MYO1C: variants seen among roughly 807,000 people sequenced by gnomAD.
MYO1C encodes the protein unconventional myosin-Ic.
Under a neutral mutation model 150.8 loss-of-function variants are expected in MYO1C, and 104 were observed. The observed-to-expected ratio is 0.69, with a 90% CI of 0.59 to 0.81. The LOEUF is 0.81. Among genes scored for constraint, MYO1C ranks in the 30% least tolerant of loss-of-function variants. MYO1C has a pLI of 0.00. For missense variants in MYO1C, 1,504 were observed against 1,435.0 expected (o/e 1.05, Z -0.78); for synonymous variants, 663 against 579.9 (o/e 1.14, Z -2.06).
rs776443603 is a variant in MYO1C at position 1,468,484 on chromosome 17, C to T, written c.2623G>A (p.Ala875Thr). The T allele has an allele frequency of 1.2e-6, 2 of 1,613,632 alleles. No individual in the cohort carries two copies. The highest frequency in any genetic ancestry group is 2.2e-5 in the East Asian group (1 of 44,868). The part of the protein sequence containing the change: ...PEWKQQLQQK[A>T]VASEIFKGKK... ...CCCTTGAAGATCTCACTAGCCACGG[C>T]CTTCTGCTGCAGCTGAGGAGACAAG... is the stretch of plus-strand genomic sequence containing the variant. The change falls in exon 26 of 32, where the codon GCC (alanine) becomes ACC (threonine). Residue 875 changes from alanine to threonine, a missense_variant. By Grantham distance (58) the Ala-to-Thr change is moderately conservative (BLOSUM62 0). Transcript: ENST00000648651.
chr17:1,482,924 G>T lies in MYO1C; in HGVS notation c.483C>A (p.Cys161Ter). ...KRLLQFYAET[C>*]PAPERGGAVR... is the part of the protein sequence containing the mutation. ...CGGCACCTCCGCGCTCGGGGGCTGGGCAGGTCTCTGCATAGAACTGCAGCA... is the reference window on the plus strand; with the variant it reads ...CGGCACCTCCGCGCTCGGGGGCTGGTCAGGTCTCTGCATAGAACTGCAGCA... The change falls in exon 4 of 32, where the codon TGC (cysteine) becomes TGA (stop). Residue 161 changes from cysteine to a stop codon, truncating the protein, a stop_gained. Coordinates refer to ENST00000648651, the MANE Select transcript of MYO1C (RefSeq NM_001080779.2). LOFTEE classifies it high-confidence loss of function. The T allele has an allele frequency of 6.4e-7, 1 of 1,570,502 alleles. No homozygotes were observed. The highest frequency in any genetic ancestry group is 8.6e-7 in the Non-Finnish European group (1 of 1,158,532).
chr17:1,470,670 G>C lies in MYO1C; in HGVS notation c.2232C>G (p.Ala744=). ...TCTGCCGCCAGTGAAAGCCCCTCCA[G>C]GCAGCTTGGATCTTTGTGGCTGCGG... is the stretch of plus-strand genomic sequence containing the variant. ...RQSLATKIQA[A]WRGFHWRQKF... is the part of the protein sequence containing the mutation. Residue 744 remains alanine (A), a synonymous_variant, in exon 22 of 32, where the codon GCC becomes GCG. Coordinates refer to ENST00000648651, the MANE Select transcript of MYO1C (RefSeq NM_001080779.2). The C allele has an allele frequency of 6.2e-7, 1 of 1,608,170 alleles. No individual in the cohort carries two copies. Among genetic ancestry groups the C allele is most frequent in the Non-Finnish European group, 8.5e-7 (1 of 1,179,690 alleles).
chr17:1,472,080 C>A (rs533458718), intron 18 of MYO1C, 43 bp downstream of exon 18: 2 of 1,613,052 alleles, frequency 1.2e-6, no homozygotes, highest in Admixed American at 1.7e-5. Context: ...CTGTCTCCTG[C>A]AGGGGAGGCC....
chr17:1,485,021 C>T, intron 1 of MYO1C: 1 of 1,006,318 alleles, frequency 9.9e-7, no homozygotes, highest in Non-Finnish European at 1.4e-6. Flanking sequence ...GGAGGCCCTC[C>T]CTCGCATGGC....
Position 1,480,882 on chromosome 17 carries a change from C to T in MYO1C, c.631G>A (p.Ala211Thr). ...CTGAGGATGTGGCCACCCACGGGGG[C>T]ACCCTGTGGGCAGGGCAGGGCATGA... Reference protein sequence around the residue: ...YMDVQFDFKGAPVGGHILSYL... With the variant: ...YMDVQFDFKGTPVGGHILSYL... Residue 211 changes from alanine to threonine, a missense_variant, in exon 6 of 32, where the codon GCC (alanine) becomes ACC (threonine). Physicochemically the swap from Ala to Thr is moderately conservative, Grantham distance 58 (BLOSUM62 0). Transcript: ENST00000648651. 6.2e-7 allele frequency: 1 copy of T among 1,613,874 alleles called. No homozygotes were observed. Among genetic ancestry groups the T allele is most frequent in the Non-Finnish European group, 8.5e-7 (1 of 1,179,992 alleles).
intron 24 of MYO1C, 152 bp downstream of exon 24, chr17:1,470,023 T>A: frequency 2.4e-6 from 2 of 832,680 alleles, no homozygotes; most frequent in Non-Finnish European, 3.6e-6. Context: ...TGAGACTCCA[T>A]CTCAAAAAAA....
intron 14 of MYO1C, among the ~76,000 whole-genome samples, chr17:1,477,070 C>A (rs1004713622): frequency 6.6e-6 from 1 of 152,010 alleles, no homozygotes; most frequent in African/African-American, 2.4e-5. Context: ...AACTCCTAAC[C>A]TAAGGTGATC....
At chr17:1,473,010 G>A (rs1180068849) in intron 17 of MYO1C, among the ~76,000 whole-genome samples, 1 of 152,178 alleles carries the variant, frequency 6.6e-6, no homozygotes, top group Non-Finnish European at 1.5e-5. Context: ...AGACTAGCCT[G>A]GCCAACATGG....
In MYO1C at chr17:1,471,130, C is replaced by T. The variant is rs762016569; in HGVS notation, c.2153G>A (p.Arg718His). The T allele has an allele frequency of 2.0e-5, 33 of 1,613,996 alleles. No homozygotes were observed. The highest frequency in any genetic ancestry group is 4.4e-5 in the South Asian group (4 of 91,092). Residue 718 changes from arginine (R) to histidine (H), a missense_variant, in exon 21 of 32, where the codon CGC becomes CAC. Coordinates refer to ENST00000648651, the MANE Select transcript of MYO1C (RefSeq NM_001080779.2). Reference sequence around the variant, plus strand: ...TGTGGCAAACAGGGTCTTGGGGAAGCGGATGAAGATCTTGGTCCTGGGAGA... The same window carrying T: ...TGTGGCAAACAGGGTCTTGGGGAAGTGGATGAAGATCTTGGTCCTGGGAGA... ...YKMGRTKIFI[R>H]FPKTLFATED...
In MYO1C at chr17:1,483,006, T is replaced by C; in HGVS notation, c.401A>G (p.Gln134Arg). 1.2e-6 allele frequency: 2 copies of C among 1,612,320 alleles called. No homozygotes were observed. Among genetic ancestry groups the C allele is most frequent in the South Asian group, 2.2e-5 (2 of 90,996 alleles). The change falls in exon 4 of 32, where the codon CAG becomes CGG. Residue 134 changes from glutamine to arginine, a missense_variant. Physicochemically the swap from Gln to Arg is conservative, Grantham distance 43. Coordinates refer to ENST00000648651, the MANE Select transcript of MYO1C (RefSeq NM_001080779.2). The stretch of plus-strand genomic sequence containing the variant: ...GCTCTCCCCAGAGATCATCACAGCC[T>C]GGTCCCGACGCTCCGTGCGCAGTGC... Reference protein sequence around the residue: ...YRALRTERRDQAVMISGESGA... With the variant: ...YRALRTERRDRAVMISGESGA...
chr17:1,483,798 C>T, intron 2 of MYO1C, 73 bp from the exon 3 acceptor site: 2 of 1,221,144 alleles, frequency 1.6e-6, no homozygotes, highest in South Asian at 1.3e-5. Flanking sequence ...AATCCCAGCA[C>T]TTTGGGAGGC....
intron 21 of MYO1C, 143 bp downstream of exon 21, chr17:1,470,919 TTGGACTCTC>T: frequency 1.0e-6 from 1 of 993,658 alleles, no homozygotes; most frequent in Non-Finnish European, 1.5e-6. Flanking sequence ...AAGTCGGCCA[TTGGACTCTC>T]TGGAGAAGGA....
chr17:1,487,329 C>T (rs1414934096), intron 1 of MYO1C, among the ~76,000 whole-genome samples: 4 of 152,268 alleles, frequency 2.6e-5, no homozygotes, highest in African/African-American at 9.6e-5. Flanking sequence ...ACGGCGTACA[C>T]AGACTCGCCC....
rs1338019860 is a variant in MYO1C at position 1,474,695 on chromosome 17, G to A, written c.1717-5C>T. 7 of 1,613,960 alleles carry A rather than the reference G, an allele frequency of 4.3e-6. No individual in the cohort carries two copies. Among genetic ancestry groups the A allele is most frequent in the Non-Finnish European group, 5.9e-6 (7 of 1,179,940 alleles). On this transcript the variant is annotated splice_polypyrimidine_tract_variant and splice_region_variant and intron_variant, in intron 16 of 31. Transcript: ENST00000648651. ...ATTCTTTGAGCTACACATGGTCTGT[G>A]TGGGCAGAGCCGGGGTCAGGGTGGG...
chr17:1,484,944 A>G, intron 1 of MYO1C: 1 of 457,886 alleles, frequency 2.2e-6, no homozygotes, highest in South Asian at 1.6e-5. Flanking sequence ...CCCAGACTAC[A>G]CCAGAGGGGT....
chr17:1,484,633 G>A (rs1215558193), intron 1 of MYO1C: 2 of 509,136 alleles, frequency 3.9e-6, no homozygotes, highest in African/African-American at 3.9e-5. Flanking sequence ...GAACCCGGGA[G>A]GTGCTGGTTT....
Position 1,484,445 on chromosome 17 carries a change from GGGGCCTGGGTGCTGA to G in MYO1C, c.76-157_76-143del, listed in dbSNP as rs146158982. 259,972 of 971,656 alleles carry G rather than the reference GGGGCCTGGGTGCTGA, an allele frequency of 0.27. 39,375 individuals are homozygous for G. Among genetic ancestry groups the G allele is most frequent in the South Asian group, 0.34 (22,854 of 66,606 alleles). 60.2% of individuals were successfully genotyped at this position (971,656 alleles called of 1,614,324 possible). Reference sequence around the variant, plus strand: ...CGGGACATGAGCATGACGGGTGCGGGGGGCCTGGGTGCTGAGGGCCTGGGTGTGGTGGGCCGGGTG... The same window carrying G: ...CGGGACATGAGCATGACGGGTGCGGGGGGCCTGGGTGTGGTGGGCCGGGTG... On this transcript the variant is annotated intron_variant, in intron 1 of 31. Coordinates refer to ENST00000648651, the MANE Select transcript of MYO1C (RefSeq NM_001080779.2).
chr17:1,464,859 C>G lies in MYO1C; in HGVS notation c.*867G>C, dbSNP rs1447320088. 1 of 150,450 alleles carries G rather than the reference C, an allele frequency of 6.6e-6. No individual in the cohort carries two copies. Among genetic ancestry groups the G allele is most frequent in the Non-Finnish European group, 1.5e-5 (1 of 68,222 alleles). The allele number at this position is 150,450 out of a possible 1,614,324, so 9.3% of individuals were successfully genotyped here. A position where few individuals can be genotyped will look rare whatever the true frequency, so the allele number is the denominator to read the frequency against. ...ACGGAGTCTCGCTCTGTTGCCCAGG[C>G]TGGAGTGCAGTGGTGTACTCTTGGC... On this transcript the variant is annotated 3_prime_UTR_variant, in exon 32 of 32. Coordinates refer to ENST00000648651, the MANE Select transcript of MYO1C (RefSeq NM_001080779.2).
At chr17:1,474,757 T>C (rs1425826022) in intron 16 of MYO1C, 55 bp downstream of exon 16, 12 of 1,611,620 alleles carry the variant, frequency 7.4e-6, no homozygotes, top group Non-Finnish European at 1.0e-5. Flanking sequence ...TGGACACAGG[T>C]GCAGAGCTGT....
Sources: allele counts gnomAD v4.1 joint callset (sites outside exome capture counted in the v4.1 genomes callset), GRCh38; gene constraint gnomAD v4.1.1; transcripts MANE v1.5; gene names NCBI Gene and HGNC (gene_info 2026-07-23, HGNC 2026-07-21).